Variants in STYXL2 observed in about 807,000 individuals in gnomAD.
STYXL2 encodes the protein serine/threonine/tyrosine interacting like 2, also known as serine/threonine/tyrosine-interacting-like protein 2.
In STYXL2, 44 loss-of-function variants were observed where a neutral mutation model predicts 52.4. That is an observed-to-expected ratio of 0.84 (90% CI 0.66 to 1.08). The LOEUF (loss-of-function observed/expected upper bound fraction) is 1.08. STYXL2 is among the 50% of genes least tolerant of loss of function. The pLI, the probability that STYXL2 is intolerant of heterozygous loss-of-function variation, is 0.00. For missense variants in STYXL2, 1,604 were observed against 1,471.7 expected (o/e 1.09, Z -1.47); for synonymous variants, 604 against 586.9 (o/e 1.03, Z -0.42).
chr1:167,109,372 G>A (rs1667570301), intron 2 of STYXL2, among the ~76,000 whole-genome samples: 1 of 152,168 alleles, frequency 6.6e-6, no homozygotes, highest in Non-Finnish European at 1.5e-5. Flanking sequence ...GACTGGCCTT[G>A]CTGGCTGTGT....
chr1:167,120,936 A>T (rs544558882), intron 5 of STYXL2, among the ~76,000 whole-genome samples: 1 of 150,714 alleles, frequency 6.6e-6, no homozygotes, highest in African/African-American at 2.4e-5. Flanking sequence ...ATGTATACAC[A>T]TATACATATA....
At chr1:167,096,234 G>A (rs971117797) in intron 2 of STYXL2, among the ~76,000 whole-genome samples, 11 of 151,960 alleles carry the variant, frequency 7.2e-5, no homozygotes, top group African/African-American at 2.4e-4. Context: ...CTTCAGCCTG[G>A]GCGACAGAGC....
Position 167,094,881 on chromosome 1 carries a change from AG to A in STYXL2, c.34del (p.Val12Ter). 6.2e-7 allele frequency: 1 copy of A among 1,613,476 alleles called. No homozygotes were observed. Among genetic ancestry groups the A allele is most frequent in the Non-Finnish European group, 8.5e-7 (1 of 1,179,826 alleles). On this transcript the variant is annotated frameshift_variant, in exon 2 of 6. Coordinates refer to ENST00000361200, the MANE Select transcript of STYXL2 (RefSeq NM_001080426.3). LOFTEE classifies it high-confidence loss of function. MATRKDTEEE[Q>X]VVPSEEDEAN... is the part of the protein sequence containing the mutation. Reference sequence around the variant, plus strand: ...ACCAGAAAGGACACAGAGGAGGAGCAGGTAGTCCCAAGCGAGGAGGACGAAG... The same window carrying A: ...ACCAGAAAGGACACAGAGGAGGAGCAGTAGTCCCAAGCGAGGAGGACGAAG...
rs377480316 is a variant in STYXL2, at chr1:167,127,848, A to C, written c.2717A>C (p.Lys906Thr). The change falls in exon 6 of 6, where the codon AAA becomes ACA. Residue 906 changes from lysine (K) to threonine (T), a missense_variant. Transcript: ENST00000361200. Reference protein sequence around the residue: ...FRYSSRSNSQKPETDTCSSLA... With the variant: ...FRYSSRSNSQTPETDTCSSLA... ...TATTCTTCCCGCAGTAATTCCCAGA[A>C]ACCTGAAACAGACACATGCTCCTCC... 53 of 1,613,748 alleles carry C rather than the reference A, an allele frequency of 3.3e-5. No homozygotes were observed. Among genetic ancestry groups the C allele is most frequent in the Non-Finnish European group, 4.3e-5 (51 of 1,180,036 alleles).
chr1:167,126,337 G>T lies in STYXL2; in HGVS notation c.1206G>T (p.Arg402Ser). ...AGGAGTGGCAGAGCCGAAACGAGAG[G>T]TACCAAGCAGAAGGGTACCGGAGGT... Reference protein sequence around the residue: ...IIQEWQSRNERYQAEGYRRWG... With the variant: ...IIQEWQSRNESYQAEGYRRWG... Residue 402 changes from arginine (R) to serine (S), a missense_variant, in exon 6 of 6, where the codon AGG (arginine) becomes AGT (serine). Transcript: ENST00000361200. 1 of 1,528,868 alleles carries T rather than the reference G, an allele frequency of 6.5e-7. No individual in the cohort carries two copies. The highest frequency in any genetic ancestry group is 8.8e-7 in the Non-Finnish European group (1 of 1,136,034). 94.7% of individuals were successfully genotyped at this position (1,528,868 alleles called of 1,614,324 possible).
chr1:167,123,207 T>G (rs1667893625), intron 5 of STYXL2, among the ~76,000 whole-genome samples: 1 of 152,096 alleles, frequency 6.6e-6, no homozygotes, highest in African/African-American at 2.4e-5. Context: ...AGACAGAAAA[T>G]CCTGTTGCTG....
At chr1:167,100,723 G>T (rs1397263070) in intron 2 of STYXL2, among the ~76,000 whole-genome samples, 2 of 152,190 alleles carry the variant, frequency 1.3e-5, no homozygotes, top group Admixed American at 1.3e-4. Context: ...CTCTGGATTT[G>T]CAGTGACTGC....
chr1:167,114,135 G>A (rs1271044281), intron 3 of STYXL2, among the ~76,000 whole-genome samples: 2 of 152,112 alleles, frequency 1.3e-5, no homozygotes, highest in African/African-American at 2.4e-5. Flanking sequence ...ATGGCCAGAA[G>A]CATCCAGAGG....
chr1:167,109,653 C>G (rs551726869), intron 2 of STYXL2, among the ~76,000 whole-genome samples: 14 of 152,302 alleles, frequency 9.2e-5, no homozygotes, highest in African/African-American at 3.1e-4. Flanking sequence ...CACCCATCAC[C>G]TGAGAAACCT....
intron 2 of STYXL2, 23 bp downstream of exon 2, chr1:167,094,982 C>G: frequency 1.3e-6 from 2 of 1,552,304 alleles, no homozygotes; most frequent in Non-Finnish European, 1.8e-6. Flanking sequence ...TTATCTCCCA[C>G]CCTCACAGCC....
At chr1:167,101,371 C>T (rs987138891) in intron 2 of STYXL2, among the ~76,000 whole-genome samples, 4 of 152,150 alleles carry the variant, frequency 2.6e-5, no homozygotes, top group African/African-American at 9.7e-5. Flanking sequence ...ATCTTATATA[C>T]TGCTGGTGGG....
intron 1 of STYXL2, chr1:167,094,504 G>A (rs1667239588): frequency 3.4e-6 from 1 of 293,272 alleles, no homozygotes; most frequent in Non-Finnish European, 6.5e-6. Flanking sequence ...GCTGGTCCAG[G>A]GAAGTCATTG....
At position 167,127,825 on chromosome 1, in the gene STYXL2, T is replaced by C. The variant is rs1668008798; in HGVS notation, c.2694T>C (p.Tyr898=). 1.1e-5 allele frequency: 17 copies of C among 1,613,888 alleles called. No individual in the cohort carries two copies. The highest frequency in any genetic ancestry group is 1.4e-5 in the Non-Finnish European group (17 of 1,180,030). The part of the protein sequence containing the change: ...DTDSAIGSFR[Y]SSRSNSQKPE... ...ACAGTGCCATAGGGAGCTTCCGATA[T>C]TCTTCCCGCAGTAATTCCCAGAAAC... Residue 898 remains tyrosine (Y), a synonymous_variant, in exon 6 of 6, where the codon TAT becomes TAC. Coordinates refer to ENST00000361200, the MANE Select transcript of STYXL2 (RefSeq NM_001080426.3).
At chr1:167,096,049 G>A (rs528004625) in intron 2 of STYXL2, among the ~76,000 whole-genome samples, 2 of 152,190 alleles carry the variant, frequency 1.3e-5, no homozygotes, top group Non-Finnish European at 2.9e-5. Flanking sequence ...CATGAGGTCA[G>A]GAGATCAAGC....
At chr1:167,124,033 T>C (rs2102246183) in intron 5 of STYXL2, among the ~76,000 whole-genome samples, 1 of 152,292 alleles carries the variant, frequency 6.6e-6, no homozygotes, top group Non-Finnish European at 1.5e-5. Context: ...TCCTCCCACC[T>C]CAGCCTCCCA....
At chr1:167,096,190 G>A (rs148069461) in intron 2 of STYXL2, among the ~76,000 whole-genome samples, 288 of 152,084 alleles carry the variant, frequency 1.9e-3, no homozygotes, top group African/African-American at 6.4e-3. Flanking sequence ...CCCGGGAGGC[G>A]GAGGTTTCAG....
intron 3 of STYXL2, among the ~76,000 whole-genome samples, chr1:167,116,120 T>TTC (rs796956607): frequency 2.8e-4 from 42 of 151,956 alleles, no homozygotes; most frequent in African/African-American, 8.7e-4. Flanking sequence ...CCAGCTTCTT[T>TTC]TCTCTCTCTC....
In STYXL2 at chr1:167,126,436, C is replaced by T. The variant is rs1236372286; in HGVS notation, c.1305C>T (p.Ser435=). The T allele has an allele frequency of 1.3e-6, 2 of 1,571,562 alleles. No individual in the cohort carries two copies. Among genetic ancestry groups the T allele is most frequent in the Non-Finnish European group, 1.7e-6 (2 of 1,159,198 alleles). ...TGGGGAGGCGGCGGCGCACCCTGAGCGAGAGCAGCGCCTGGGAGAGCGTGA... is the reference window on the plus strand; with the variant it reads ...TGGGGAGGCGGCGGCGCACCCTGAGTGAGAGCAGCGCCTGGGAGAGCGTGA... ...SSVGRRRRTL[S]ESSAWESVSS... The change falls in exon 6 of 6, where the codon AGC becomes AGT. Residue 435 remains serine, a synonymous_variant. Coordinates refer to ENST00000361200, the MANE Select transcript of STYXL2 (RefSeq NM_001080426.3).
chr1:167,115,746 A>G (rs747911056), intron 3 of STYXL2, among the ~76,000 whole-genome samples: 1 of 152,172 alleles, frequency 6.6e-6, no homozygotes, highest in Non-Finnish European at 1.5e-5. Flanking sequence ...CTATTTTTAA[A>G]CAAAATAGAG....
Sources: allele counts gnomAD v4.1 joint callset (sites outside exome capture counted in the v4.1 genomes callset), GRCh38; gene constraint gnomAD v4.1.1; transcripts MANE v1.5; gene names NCBI Gene and HGNC (gene_info 2026-07-23, HGNC 2026-07-21).